Variants in AOPEP observed in about 807,000 individuals in gnomAD.
The protein encoded by AOPEP is aminopeptidase O (putative), also known as aminopeptidase O.
In AOPEP, 77 loss-of-function variants were observed where a neutral mutation model predicts 98.1. The observed-to-expected ratio is 0.78, with a 90% CI of 0.65 to 0.95. AOPEP has a LOEUF of 0.95. Among genes scored for constraint, AOPEP ranks in the 40% least tolerant of loss-of-function variants. The pLI is 0.00. For synonymous variants in AOPEP, 346 were observed against 365.3 expected (o/e 0.95, Z 0.60); for missense variants, 1,024 against 1,024.7 (o/e 1.00, Z 0.01).
chr9:95,051,135 G>A (rs1028053525), intron 13 of AOPEP, among the ~76,000 whole-genome samples: 2 of 135,012 alleles, frequency 1.5e-5, no homozygotes, highest in African/African-American at 5.4e-5. Flanking sequence ...TGTCGCCCAG[G>A]CTGAAGTGCA....
intron 14 of AOPEP, among the ~76,000 whole-genome samples, chr9:95,067,313 G>A (rs1235530140): frequency 6.6e-6 from 1 of 152,200 alleles, no homozygotes; most frequent in Non-Finnish European, 1.5e-5. Flanking sequence ...AATTTTGTGT[G>A]GATGGCAGGG....
chr9:94,874,556 A>G (rs2046705547), intron 5 of AOPEP, among the ~76,000 whole-genome samples: 1 of 152,186 alleles, frequency 6.6e-6, no homozygotes, highest in South Asian at 2.1e-4. Context: ...ACTGTGTCCT[A>G]AGGTATGCGG....
At chr9:94,911,938 C>G (rs1270826965) in intron 5 of AOPEP, among the ~76,000 whole-genome samples, 4 of 152,174 alleles carry the variant, frequency 2.6e-5, no homozygotes, top group African/African-American at 9.7e-5. Context: ...ATCCCTGTCA[C>G]TAGCACCCTG....
intron 14 of AOPEP, among the ~76,000 whole-genome samples, chr9:95,074,614 A>G (rs931645221): frequency 2.6e-5 from 4 of 152,240 alleles, no homozygotes; most frequent in African/African-American, 9.6e-5. Flanking sequence ...TGAACAGCAG[A>G]TGTCCAAAGT....
intron 5 of AOPEP, among the ~76,000 whole-genome samples, chr9:94,869,849 A>G (rs952062844): frequency 4.6e-5 from 7 of 152,120 alleles, no homozygotes; most frequent in Non-Finnish European, 8.8e-5. Context: ...ACAGTTTGTA[A>G]TATTAAGTGT....
chr9:95,091,151 T>G (rs957483420), downstream of AOPEP, among the ~76,000 whole-genome samples: 2 of 152,164 alleles, frequency 1.3e-5, no homozygotes, highest in Non-Finnish European at 2.9e-5. Flanking sequence ...AGGGACAGTT[T>G]GTTTAGAGTT....
chr9:95,104,573 T>C, the AOPEP span, among the ~76,000 whole-genome samples: 16 of 152,334 alleles, frequency 1.1e-4, no homozygotes, highest in South Asian at 3.3e-3. Flanking sequence ...GCAATGTCTC[T>C]GGGCCCAGTC....
At chr9:94,756,859 A>G (rs1837178589) in intron 1 of AOPEP, among the ~76,000 whole-genome samples, 1 of 151,970 alleles carries the variant, frequency 6.6e-6, no homozygotes, top group African/African-American at 2.4e-5. Flanking sequence ...CCCGTTCTGG[A>G]AGCTTTAACT....
At chr9:95,110,744 G>A in the AOPEP span, 80 of 1,099,218 alleles carry the variant, frequency 7.3e-5, no homozygotes, top group African/African-American at 1.2e-3. Flanking sequence ...TCAGCATAGA[G>A]CACTGGCAGT....
At chr9:94,963,228 C>T (rs891051218) in intron 9 of AOPEP, among the ~76,000 whole-genome samples, 6 of 152,190 alleles carry the variant, frequency 3.9e-5, no homozygotes, top group South Asian at 4.2e-4. Context: ...ATAAAATACT[C>T]GACAGAAATT....
Position 95,001,967 on chromosome 9 carries a change from A to G in AOPEP, c.1978-3191A>G, listed in dbSNP as rs932417762. Among the ~76,000 whole-genome samples, 21 of 149,806 alleles carry G rather than the reference A, an allele frequency of 1.4e-4. 1 individual carries two copies. The highest frequency in any genetic ancestry group is 6.8e-3 in the Middle Eastern group (2 of 294). Reference sequence around the variant, plus strand: ...TGATTTTTTTTTTTTTTGTAGAGACAGGGGTCTTGCTATGTTGCCCAGGAT... The same window carrying G: ...TGATTTTTTTTTTTTTTGTAGAGACGGGGGTCTTGCTATGTTGCCCAGGAT... On this transcript the variant is annotated intron_variant, in intron 11 of 16. Coordinates refer to ENST00000375315, the MANE Select transcript of AOPEP (RefSeq NM_001193329.3).
At chr9:95,096,464 A>G in the AOPEP span, among the ~76,000 whole-genome samples, 2 of 152,116 alleles carry the variant, frequency 1.3e-5, no homozygotes, top group Non-Finnish European at 2.9e-5. Flanking sequence ...AGGTGGGCCC[A>G]CCTGGGATGT....
chr9:95,114,762 A>G, the AOPEP span: 1 of 1,501,112 alleles, frequency 6.7e-7, no homozygotes, highest in East Asian at 2.3e-5. Context: ...TGTCAAGCCC[A>G]TGAGGAACCA....
intron 13 of AOPEP, among the ~76,000 whole-genome samples, chr9:95,050,850 G>A (rs976177545): frequency 1.3e-5 from 2 of 152,148 alleles, no homozygotes; most frequent in African/African-American, 4.8e-5. Flanking sequence ...ACAGGAACTG[G>A]GAGTAATGGA....
chr9:94,769,800 C>T (rs1789421704), intron 2 of AOPEP, among the ~76,000 whole-genome samples: 1 of 152,146 alleles, frequency 6.6e-6, no homozygotes, highest in Non-Finnish European at 1.5e-5. Flanking sequence ...TGGAAGAGGT[C>T]AGGTGCCCAG....
chr9:94,926,543 C>T (rs1442591200), intron 6 of AOPEP, among the ~76,000 whole-genome samples: 1 of 152,232 alleles, frequency 6.6e-6, no homozygotes, highest in Non-Finnish European at 1.5e-5. Flanking sequence ...AGAGCAAGTC[C>T]GCCAGGCTGA....
chr9:94,778,275 G>A (rs372066998), intron 3 of AOPEP, among the ~76,000 whole-genome samples: 15 of 152,096 alleles, frequency 9.9e-5, no homozygotes, highest in African/African-American at 3.6e-4. Context: ...ACACGATCTA[G>A]CAATTTTACT....
the AOPEP span, chr9:95,135,356 T>A: frequency 6.2e-7 from 1 of 1,614,046 alleles, no homozygotes; most frequent in Non-Finnish European, 8.5e-7. Context: ...CAGCGATGAA[T>A]CTTTTATAAA....
At chr9:95,098,039 A>G in the AOPEP span, among the ~76,000 whole-genome samples, 1 of 152,104 alleles carries the variant, frequency 6.6e-6, no homozygotes, top group Non-Finnish European at 1.5e-5. Flanking sequence ...AGGCGAGGGG[A>G]GAAGCACGGG....
Sources: gnomAD v4.1 joint callset for allele counts (sites outside exome capture counted in the v4.1 genomes callset) on GRCh38, gnomAD v4.1.1 for gene constraint, MANE v1.5 for transcripts, NCBI Gene and HGNC (gene_info 2026-07-23, HGNC 2026-07-21) for gene names.